ZSWIM2: variants seen among roughly 807,000 people sequenced by gnomAD.
The protein encoded by ZSWIM2 is E3 ubiquitin-protein ligase ZSWIM2.
A neutral mutation model predicts 48.4 loss-of-function variants in ZSWIM2; 38 were observed. That is an observed-to-expected ratio of 0.79 (90% CI 0.61 to 1.03). The LOEUF is 1.03. Among genes scored for constraint, ZSWIM2 ranks in the 50% least tolerant of loss-of-function variants. ZSWIM2 has a pLI of 0.00. For synonymous variants in ZSWIM2, 240 were observed against 251.3 expected, an observed-to-expected ratio of 0.96 and a Z score of 0.42; for missense variants, 776 against 730.2, an observed-to-expected ratio of 1.06 and a Z score of -0.72.
intron 3 of ZSWIM2, among the ~76,000 whole-genome samples, chr2:186,843,962 C>T (rs921954458): frequency 1.3e-5 from 2 of 151,452 alleles, no homozygotes; most frequent in Non-Finnish European, 1.5e-5. Context: ...TAAATAAAAC[C>T]AATTCTTTTT....
chr2:186,833,297 ATTAG>A lies in ZSWIM2; in HGVS notation c.829-69_829-66del, dbSNP rs371115918. 1.2e-3 allele frequency: 922 copies of A among 760,710 alleles called. 10 individuals are homozygous for A. In the South Asian group the frequency reaches 0.016, roughly 13 times the overall value. 47.1% of individuals were successfully genotyped at this position (760,710 alleles called of 1,614,324 possible). A position where few individuals can be genotyped will look rare whatever the true frequency, so the allele number is the denominator to read the frequency against. On this transcript the variant is annotated intron_variant, in intron 6 of 8. Transcript: ENST00000295131. ...GGATATTTTCATTTTGTGGAGAAAA[ATTAG>A]TTGGTTGCGTATCAATAATGTGAAC...
At chr2:186,847,921 T>G (rs11885224) in intron 1 of ZSWIM2, 126 bp from the exon 2 acceptor site, 54,279 of 544,412 alleles carry the variant, frequency 0.1, 4,214 homozygotes, top group African/African-American at 0.32. Context: ...GAATAGATTC[T>G]ACTGGAGAAT....
chr2:186,831,409 A>G (rs1407212587), intron 7 of ZSWIM2, among the ~76,000 whole-genome samples: 1 of 151,298 alleles, frequency 6.6e-6, no homozygotes, highest in African/African-American at 2.4e-5. Context: ...TATTATATAT[A>G]TATATTTAAT....
intron 7 of ZSWIM2, among the ~76,000 whole-genome samples, chr2:186,832,566 G>C (rs1691720976): frequency 6.6e-6 from 1 of 151,868 alleles, no homozygotes; most frequent in Non-Finnish European, 1.5e-5. Context: ...GAGAGAGGGG[G>C]AATGAAGCAA....
chr2:186,830,815 A>AT (rs34709738), intron 7 of ZSWIM2, among the ~76,000 whole-genome samples: 70,363 of 151,860 alleles, frequency 0.46, 18,167 homozygotes, highest in African/African-American at 0.7. Flanking sequence ...GGTAAAACAG[A>AT]ACAACAAATC....
At chr2:186,844,658 T>C in intron 3 of ZSWIM2, 59 bp downstream of exon 3, 9 of 1,448,086 alleles carry the variant, frequency 6.2e-6, no homozygotes, top group Non-Finnish European at 8.3e-6. Flanking sequence ...CTTATATTTG[T>C]TAACTTCAAA....
chr2:186,838,682 C>T (rs1305246013), intron 4 of ZSWIM2, among the ~76,000 whole-genome samples: 1 of 144,188 alleles, frequency 6.9e-6, no homozygotes. Flanking sequence ...TATGTTGCTT[C>T]CTAACATATA....
intron 2 of ZSWIM2, among the ~76,000 whole-genome samples, 157 bp from the exon 3 acceptor site, chr2:186,844,914 G>C (rs956141494): frequency 2.0e-5 from 3 of 151,458 alleles, no homozygotes; most frequent in South Asian, 2.1e-4. Context: ...TGTTATAATA[G>C]TTGTTAAACT....
intron 1 of ZSWIM2, 135 bp downstream of exon 1, chr2:186,848,831 G>C: frequency 9.0e-7 from 1 of 1,110,572 alleles, no homozygotes; most frequent in South Asian, 1.4e-5. Context: ...AACACTCGTG[G>C]GAAGGCGCTT....
intron 5 of ZSWIM2, among the ~76,000 whole-genome samples, chr2:186,835,529 C>A (rs1218491146): frequency 2.0e-5 from 3 of 152,062 alleles, no homozygotes; most frequent in Non-Finnish European, 4.4e-5. Flanking sequence ...ATGGGTTGGA[C>A]AAATGGTGCC....
intron 3 of ZSWIM2, among the ~76,000 whole-genome samples, chr2:186,844,023 A>G (rs1691953203): frequency 6.6e-6 from 1 of 151,706 alleles, no homozygotes; most frequent in South Asian, 2.1e-4. Flanking sequence ...CATGAATATC[A>G]GAAACATTTA....
rs777833311 is a variant in ZSWIM2, at chr2:186,839,188, G to A, written c.284-19C>T. 4 of 1,606,556 alleles carry A rather than the reference G, an allele frequency of 2.5e-6. No individual in the cohort carries two copies. On this transcript the variant is annotated intron_variant, in intron 3 of 8. Coordinates refer to ENST00000295131, the MANE Select transcript of ZSWIM2 (RefSeq NM_182521.3). Reference sequence around the variant, plus strand: ...AAAGCAGCTAGTGAGAAATCCCAAAGTATTAAAATCCAGTCATAAAATTGG... The same window carrying A: ...AAAGCAGCTAGTGAGAAATCCCAAAATATTAAAATCCAGTCATAAAATTGG...
Position 186,828,457 on chromosome 2 carries a change from T to C in ZSWIM2, c.1429A>G (p.Asn477Asp), listed in dbSNP as rs1379542907. Residue 477 changes from asparagine to aspartate, a missense_variant, in exon 9 of 9, where the codon AAT becomes GAT. Physicochemically the swap from Asn to Asp is conservative, Grantham distance 23. Transcript: ENST00000295131. ...TAGGTTAATTTTTTTGAATTTGAATTATCTAATTTGATAGAGCATAGATTA... is the reference window on the plus strand; with the variant it reads ...TAGGTTAATTTTTTTGAATTTGAATCATCTAATTTGATAGAGCATAGATTA... ...IDNLCSIKLD[N>D]SNSKKLTYDY... The C allele has an allele frequency of 1.9e-6, 3 of 1,613,272 alleles. No homozygotes were observed. The highest frequency in any genetic ancestry group is 4.5e-5 in the East Asian group (2 of 44,850).
chr2:186,831,381 G>C (rs1691696492), intron 7 of ZSWIM2, among the ~76,000 whole-genome samples: 2 of 145,442 alleles, frequency 1.4e-5, no homozygotes, highest in South Asian at 4.2e-4. Flanking sequence ...GTGTATTATA[G>C]GCATGTGTAT....
rs539678724 is a variant in ZSWIM2, at chr2:186,828,134, G to A, written c.1752C>T (p.Ser584=). The A allele has an allele frequency of 1.2e-6, 2 of 1,613,460 alleles. No individual in the cohort carries two copies. ...PEDFNLIVNW[S]TAKLSLSKRY... is the part of the protein sequence containing the mutation. Reference sequence around the variant, plus strand: ...TTTTAGACAAACTAAGTTTAGCTGTGCTCCAATTGACAATAAGATTGAAAT... The same window carrying A: ...TTTTAGACAAACTAAGTTTAGCTGTACTCCAATTGACAATAAGATTGAAAT... The change falls in exon 9 of 9, where the codon AGC becomes AGT. Residue 584 remains serine, a synonymous_variant. Coordinates refer to ENST00000295131, the MANE Select transcript of ZSWIM2 (RefSeq NM_182521.3).
chr2:186,848,643 A>G, intron 1 of ZSWIM2: 1 of 249,710 alleles, frequency 4.0e-6, no homozygotes, highest in Non-Finnish European at 8.1e-6. Flanking sequence ...GACCACTAAC[A>G]ACAGATCCAA....
intron 3 of ZSWIM2, among the ~76,000 whole-genome samples, chr2:186,840,285 G>A (rs1333241830): frequency 6.6e-6 from 1 of 151,544 alleles, no homozygotes; most frequent in Non-Finnish European, 1.5e-5. Flanking sequence ...GATGCACTGG[G>A]GCAGCAGAAA....
intron 1 of ZSWIM2, 167 bp downstream of exon 1, chr2:186,848,799 T>C (rs1161234997): frequency 3.7e-6 from 3 of 807,514 alleles, no homozygotes; most frequent in Non-Finnish European, 6.0e-6. Flanking sequence ...CCTTCTGTAA[T>C]TTCACGTATT....
chr2:186,839,648 T>C (rs1691867144), intron 3 of ZSWIM2, among the ~76,000 whole-genome samples: 1 of 151,786 alleles, frequency 6.6e-6, no homozygotes, highest in African/African-American at 2.4e-5. Context: ...TAATTGTGCC[T>C]ATTTTCTGTT....
Sources: allele counts gnomAD v4.1 joint callset (sites outside exome capture counted in the v4.1 genomes callset), GRCh38; gene constraint gnomAD v4.1.1; transcripts MANE v1.5; gene names NCBI Gene and HGNC (gene_info 2026-07-23, HGNC 2026-07-21).